Variants in TENM1 observed in about 807,000 individuals in gnomAD.
TENM1 encodes the protein teneurin transmembrane protein 1.
A neutral mutation model predicts 174.8 loss-of-function variants in TENM1; 35 were observed. The observed-to-expected ratio is 0.20, with a 90% CI of 0.15 to 0.27. The LOEUF (loss-of-function observed/expected upper bound fraction) is 0.27, where lower values mean the gene tolerates loss of function less well. Ranked by LOEUF, TENM1 falls within the 10% of genes least tolerant of loss-of-function variation. The pLI is 1.00. For synonymous variants in TENM1, 781 were observed against 798.7 expected (o/e 0.98, Z 0.37); for missense variants, 1,633 against 2,130.1 (o/e 0.77, Z 4.59).
chrX:124,647,535 C>T (rs2051189994), intron 8 of TENM1, among the ~76,000 whole-genome samples: 1 of 110,839 alleles, frequency 9.0e-6, no homozygotes, highest in South Asian at 3.8e-4. Context: ...AAATATGTAC[C>T]GTGCAACAGA....
At chrX:124,449,493 A>G (rs1224363249) in intron 23 of TENM1, among the ~76,000 whole-genome samples, 1 of 112,610 alleles carries the variant, frequency 8.9e-6, no homozygotes, top group Admixed American at 9.4e-5. Context: ...TTTTCTACAC[A>G]GAAACAGAAA....
At chrX:124,857,777 A>C (rs2147424254) in intron 3 of TENM1, among the ~76,000 whole-genome samples, 1 of 110,961 alleles carries the variant, frequency 9.0e-6, no homozygotes, top group African/African-American at 3.3e-5. Flanking sequence ...AAAAAAACCC[A>C]AAACCAGAAG....
At chrX:124,424,519 T>C (rs2060688843) in intron 23 of TENM1, among the ~76,000 whole-genome samples, 1 of 112,035 alleles carries the variant, frequency 8.9e-6, no homozygotes, top group Non-Finnish European at 1.9e-5. Flanking sequence ...TTCTACTTTC[T>C]GCTTTTATGA....
chrX:124,701,166 C>A (rs2052766678), intron 5 of TENM1, among the ~76,000 whole-genome samples: 1 of 111,351 alleles, frequency 9.0e-6, no homozygotes, highest in South Asian at 3.8e-4. Flanking sequence ...CTACCTGTAT[C>A]CCCTGAAGGT....
the TENM1 span, among the ~76,000 whole-genome samples, chrX:125,088,003 T>C: frequency 9.0e-6 from 1 of 110,557 alleles, no homozygotes; most frequent in African/African-American, 3.3e-5. Context: ...TATAGAAAGG[T>C]GGGTGGGAGG....
the TENM1 span, among the ~76,000 whole-genome samples, chrX:125,039,316 C>T: frequency 9.0e-6 from 1 of 110,747 alleles, no homozygotes; most frequent in Admixed American, 9.7e-5. Flanking sequence ...AAAAATAAAC[C>T]ATAACCCAAA....
At chrX:124,978,151 A>T in the TENM1 span, among the ~76,000 whole-genome samples, 2 of 110,247 alleles carry the variant, frequency 1.8e-5, no homozygotes, top group East Asian at 2.8e-4. Context: ...TTAAATTATG[A>T]TACTTTTGAA....
At chrX:125,078,043 C>A in the TENM1 span, among the ~76,000 whole-genome samples, 56 of 111,405 alleles carry the variant, frequency 5.0e-4, no homozygotes, top group African/African-American at 1.8e-3. Context: ...GAGGACAAAC[C>A]CTGGGGTATG....
At chrX:124,995,247 C>T in the TENM1 span, among the ~76,000 whole-genome samples, 1 of 110,743 alleles carries the variant, frequency 9.0e-6, no homozygotes, top group Non-Finnish European at 1.9e-5. Context: ...CTTCCATGTA[C>T]GTACCACAGG....
the TENM1 span, among the ~76,000 whole-genome samples, chrX:125,126,798 C>G: frequency 9.1e-6 from 1 of 110,238 alleles, no homozygotes; most frequent in East Asian, 2.8e-4. Flanking sequence ...TAATGCCATG[C>G]CCATGAATAC....
In TENM1 at chrX:124,556,488, GT is replaced by G. The variant is rs918859922; in HGVS notation, c.2434+5182del. ...AGTGTTTTGAGAAAGTTAGCCAAGG[GT>G]TTAGCAGAAAAACACCCAGGAAAGC... On this transcript the variant is annotated intron_variant, in intron 14 of 31. Transcript: ENST00000422452. Among the ~76,000 whole-genome samples the G allele has an allele frequency of 2.2e-4, 24 of 111,124 alleles. No individual in the cohort carries two copies. The South Asian group carries it at 3.9e-3, about 18-fold the overall frequency.
At chrX:124,834,628 A>T (rs777265847) in intron 3 of TENM1, among the ~76,000 whole-genome samples, 2 of 111,709 alleles carry the variant, frequency 1.8e-5, no homozygotes, top group Non-Finnish European at 3.8e-5. Flanking sequence ...GCTTGGCCCA[A>T]ATAAACTCTT....
intron 3 of TENM1, among the ~76,000 whole-genome samples, chrX:124,796,113 C>CT (rs754510138): frequency 2.8e-4 from 31 of 111,089 alleles, no homozygotes; most frequent in Admixed American, 2.9e-4. Context: ...AGAGGATTTT[C>CT]TTTTTACAAG....
At chrX:124,662,455 GAAAAAAAAA>G (rs1224806453) in intron 6 of TENM1, among the ~76,000 whole-genome samples, 10 of 31,040 alleles carry the variant, frequency 3.2e-4, no homozygotes, top group African/African-American at 8.6e-5. Context: ...CTTCATCTCA[GAAAAAAAAA>G]AAAAAAAAAA....
chrX:124,864,343 T>C (rs2056966400), intron 3 of TENM1, among the ~76,000 whole-genome samples: 2 of 111,367 alleles, frequency 1.8e-5, no homozygotes, highest in South Asian at 7.5e-4. Flanking sequence ...CTCAAAGAAA[T>C]TCAAGATAAC....
intron 3 of TENM1, among the ~76,000 whole-genome samples, chrX:124,801,634 C>A (rs1387774968): frequency 8.9e-6 from 1 of 111,823 alleles, no homozygotes; most frequent in East Asian, 2.8e-4. Flanking sequence ...CATCATGATG[C>A]TTTCTGGTTA....
At chrX:124,690,484 A>AGTGTGTGTGT (rs58386633) in intron 5 of TENM1, among the ~76,000 whole-genome samples, 56 of 93,485 alleles carry the variant, frequency 6.0e-4, no homozygotes, top group African/African-American at 1.9e-3. Flanking sequence ...GCTTTGTTAG[A>AGTGTGTGTGT]GTGTGTGTGT....
chrX:124,991,305 A>C, the TENM1 span, among the ~76,000 whole-genome samples: 1 of 111,408 alleles, frequency 9.0e-6, no homozygotes, highest in Admixed American at 9.6e-5. Context: ...ATCTCTTCTT[A>C]AAAGAGGAGT....
intron 1 of TENM1, among the ~76,000 whole-genome samples, chrX:124,904,818 G>GT (rs1334696709): frequency 9.1e-6 from 1 of 109,543 alleles, no homozygotes; most frequent in Non-Finnish European, 1.9e-5. Flanking sequence ...ACTGAAACTA[G>GT]TCACAAAGCC....
Sources: gnomAD v4.1 joint callset for allele counts (sites outside exome capture counted in the v4.1 genomes callset) on GRCh38, gnomAD v4.1.1 for gene constraint, MANE v1.5 for transcripts, NCBI Gene and HGNC (gene_info 2026-07-23, HGNC 2026-07-21) for gene names.